The following SAMD11 variants were observed in gnomAD, a reference collection of about 807,000 sequenced individuals.
SAMD11 encodes sterile alpha motif domain containing 11.
Under a neutral mutation model 64.4 loss-of-function variants are expected in SAMD11, and 77 were observed. That is an observed-to-expected ratio of 1.20 (90% confidence interval 0.99 to 1.44). The LOEUF (loss-of-function observed/expected upper bound fraction) is 1.44, where lower values mean the gene tolerates loss of function less well. Ranked by LOEUF, SAMD11 falls within the 40% of genes most tolerant of loss-of-function variation. SAMD11 has a pLI of 0.00. For missense variants in SAMD11, 1,402 were observed against 943.3 expected, an observed-to-expected ratio of 1.49 and a Z score of -6.37; for synonymous variants, 658 against 421.9, an observed-to-expected ratio of 1.56 and a Z score of -6.86.
rs1211252359 is a variant in SAMD11 at position 939,427 on chromosome 1, TG to T, written c.1195+17del. 1 of 1,440,870 alleles carries T rather than the reference TG, an allele frequency of 6.9e-7. No homozygotes were observed. The highest frequency in any genetic ancestry group is 1.4e-5 in the African/African-American group (1 of 72,456). The allele number at this position is 1,440,870 out of a possible 1,614,324, so 89.3% of individuals were successfully genotyped here. On this transcript the variant is annotated intron_variant, in intron 7 of 13. Transcript: ENST00000616016. Reference sequence around the variant, plus strand: ...CCCCAGCCACGGTGAGGACCCACCCTGGCATGATCCCCCTCATCACCTCCCC... The same window carrying T: ...CCCCAGCCACGGTGAGGACCCACCCTGCATGATCCCCCTCATCACCTCCCC...
intron 4 of SAMD11, among the ~76,000 whole-genome samples, chr1:933,371 C>T (rs1458709376): frequency 6.6e-6 from 1 of 152,182 alleles, no homozygotes; most frequent in East Asian, 1.9e-4. Flanking sequence ...GCGGGGAGGG[C>T]AGGTGGCACC....
rs1387564087 is a variant in SAMD11 at position 943,768 on chromosome 1, T to C, written c.2249T>C (p.Met750Thr). ...LLTEEHLLTN[M>T]GLKLGPALKI... ...ACGGAGGAGCACCTGCTGACCAACA[T>C]GGGGCTGAAGCTGGGGCCCGCCCTC... Residue 750 changes from methionine to threonine, a missense_variant, in exon 13 of 14, where the codon ATG becomes ACG. Coordinates refer to ENST00000616016, the MANE Select transcript of SAMD11 (RefSeq NM_001385641.1). 6 of 1,611,118 alleles carry C rather than the reference T, an allele frequency of 3.7e-6. No individual in the cohort carries two copies. The highest frequency in any genetic ancestry group is 5.1e-6 in the Non-Finnish European group (6 of 1,179,310).
In SAMD11 at chr1:930,349, G is replaced by A. The variant is rs1483133640; in HGVS notation, c.791+13G>A. On this transcript the variant is annotated intron_variant, in intron 3 of 13. Transcript: ENST00000616016. ...TCATGAAGAGAAGGTACTTGGACCAGGGCCGGACAGGAAGGCGCAAGGCTC... is the reference window on the plus strand; with the variant it reads ...TCATGAAGAGAAGGTACTTGGACCAAGGCCGGACAGGAAGGCGCAAGGCTC... 1.3e-6 allele frequency: 2 copies of A among 1,589,822 alleles called. No homozygotes were observed. Among genetic ancestry groups the A allele is most frequent in the Admixed American group, 1.8e-5 (1 of 56,844 alleles).
intron 2 of SAMD11, among the ~76,000 whole-genome samples, chr1:928,351 C>G (rs548128247): frequency 6.6e-6 from 1 of 152,340 alleles, no homozygotes; most frequent in Admixed American, 6.5e-5. Context: ...CAGATTGTGC[C>G]ACCGCACTCC....
chr1:941,912 CG>C (rs1027698852), intron 8 of SAMD11, among the ~76,000 whole-genome samples: 3 of 151,992 alleles, frequency 2.0e-5, no homozygotes, highest in Non-Finnish European at 4.4e-5. Flanking sequence ...CAGTAATTAC[CG>C]CTGCAGCCGT....
intron 8 of SAMD11, 121 bp from the exon 9 acceptor site, chr1:942,015 A>T (rs1316073765): frequency 2.4e-6 from 1 of 412,242 alleles, no homozygotes; most frequent in Non-Finnish European, 4.3e-6. Flanking sequence ...TGGGGCCGTA[A>T]CGAGCTGCGC....
In SAMD11 at chr1:942,808, C is replaced by T; in HGVS notation, c.1803C>T (p.Gly601=). ...GAGCCCCCCGGAAGGGGGGTCCCGG[C>T]CCTGCCTCAGCGCGGCCCAGCGAGT... The part of the protein sequence containing the change: ...ARRAPRKGGP[G]PASARPSESK... The change falls in exon 11 of 14, where the codon GGC becomes GGT. Residue 601 remains glycine (G), a synonymous_variant. Coordinates refer to ENST00000616016, the MANE Select transcript of SAMD11 (RefSeq NM_001385641.1). 1 of 1,546,670 alleles carries T rather than the reference C, an allele frequency of 6.5e-7. No individual in the cohort carries two copies. Among genetic ancestry groups the T allele is most frequent in the Non-Finnish European group, 8.7e-7 (1 of 1,145,762 alleles).
In SAMD11 at chr1:944,466, TGACTTCAGCAGCCCACAGCTGTGG is replaced by T. The variant is rs1221196749; in HGVS notation, c.*315_*338del. The T allele has an allele frequency of 6.6e-5, 50 of 763,012 alleles. No individual in the cohort carries two copies. The East Asian group carries it at 1.4e-3, about 22-fold the overall frequency. 47.3% of individuals were successfully genotyped at this position (763,012 alleles called of 1,614,324 possible). On this transcript the variant is annotated 3_prime_UTR_variant, in exon 14 of 14. Transcript: ENST00000616016. ...GTCAGGGTCAGCTCCCCCGCGGAGC[TGACTTCAGCAGCCCACAGCTGTGG>T]GGCTTCAGCAGCCACACCAGCCCAG... is the stretch of plus-strand genomic sequence containing the variant.
chr1:939,084 A>T lies in SAMD11; in HGVS notation c.1012A>T (p.Ser338Cys). 1 of 1,606,206 alleles carries T rather than the reference A, an allele frequency of 6.2e-7. No homozygotes were observed. The highest frequency in any genetic ancestry group is 8.5e-7 in the Non-Finnish European group (1 of 1,176,690). The change falls in exon 6 of 14, where the codon AGC becomes TGC. Residue 338 changes from serine to cysteine, a missense_variant. Transcript: ENST00000616016. ...KRLGRSPRIS[S>C]DCFSEKRARS... is the part of the protein sequence containing the mutation. ...GCTGGGCCGCTCCCCCCGTATCAGC[A>T]GCGACTGCTTTTCAGAGAAGAGGGC...
intron 7 of SAMD11, among the ~76,000 whole-genome samples, chr1:940,713 G>A (rs1295499937): frequency 6.6e-6 from 1 of 152,234 alleles, no homozygotes; most frequent in East Asian, 1.9e-4. Flanking sequence ...TTTGTGACAA[G>A]CTTTGGCCAG....
intron 8 of SAMD11, 72 bp downstream of exon 8, chr1:941,378 C>A: frequency 7.2e-7 from 1 of 1,391,698 alleles, no homozygotes; most frequent in Non-Finnish European, 9.5e-7. Context: ...CAGCCACCAG[C>A]ACGCGCCCCG....
chr1:925,461 G>C (rs556335935), intron 1 of SAMD11, among the ~76,000 whole-genome samples: 5 of 151,940 alleles, frequency 3.3e-5, no homozygotes, highest in African/African-American at 9.6e-5. Context: ...CGCCTGAGCC[G>C]GGACACAGGG....
At chr1:926,994 G>T (rs923701948) in intron 2 of SAMD11, among the ~76,000 whole-genome samples, 1 of 152,090 alleles carries the variant, frequency 6.6e-6, no homozygotes, top group Non-Finnish European at 1.5e-5. Context: ...TGAGCCATGA[G>T]TGCCGTAGCC....
chr1:944,110 C>T lies in SAMD11; in HGVS notation c.2492C>T (p.Ala831Val), dbSNP rs376960675. The T allele has an allele frequency of 3.4e-5, 54 of 1,606,744 alleles. No homozygotes were observed. Among genetic ancestry groups the T allele is most frequent in the South Asian group, 3.2e-4 (29 of 90,608 alleles). ...CCCAAGCAGGAGAATGGGACCTTGG[C>T]TCTACTTCCAGGGGCCCCCGACCCT... ...TSPKQENGTL[A>V]LLPGAPDPSQ... The change falls in exon 14 of 14, where the codon GCT (alanine) becomes GTT (valine). Residue 831 changes from alanine to valine, a missense_variant. Physicochemically the swap from Ala to Val is moderately conservative, Grantham distance 64. Coordinates refer to ENST00000616016, the MANE Select transcript of SAMD11 (RefSeq NM_001385641.1).
chr1:942,675 G>C lies in SAMD11; in HGVS notation c.1670G>C (p.Arg557Pro), dbSNP rs925009455. Reference protein sequence around the residue: ...PNDGAEELQRRGALLVLNHGA... With the variant: ...PNDGAEELQRPGALLVLNHGA... ...GACGGCGCCGAGGAGCTGCAGCGGC[G>C]CGGGGCCCTGCTGGTGCTGAACCAC... is the stretch of plus-strand genomic sequence containing the variant. The change falls in exon 11 of 14, where the codon CGC becomes CCC. Residue 557 changes from arginine to proline, a missense_variant. Physicochemically the swap from Arg to Pro is moderately radical, Grantham distance 103. Transcript: ENST00000616016. 1.4e-6 allele frequency: 2 copies of C among 1,432,264 alleles called. No homozygotes were observed. The highest frequency in any genetic ancestry group is 3.0e-5 in the Admixed American group (1 of 33,846). The allele number at this position is 1,432,264 out of a possible 1,614,324, so 88.7% of individuals were successfully genotyped here.
Position 940,173 on chromosome 1 carries a change from T to C in SAMD11, c.1195+761T>C, listed in dbSNP as rs1641669130. On this transcript the variant is annotated intron_variant, in intron 7 of 13. Transcript: ENST00000616016. ...AAGAGCCTGAATAATTCACCAAATG[T>C]TAATAATGTAAAAATCCTCCTTTTT... 2.6e-5 allele frequency among the ~76,000 whole-genome samples: 4 copies of C among 152,220 alleles called. No individual in the cohort carries two copies. In the South Asian group the frequency reaches 8.3e-4, roughly 32 times the overall value.
intron 2 of SAMD11, among the ~76,000 whole-genome samples, chr1:927,443 C>T (rs960680510): frequency 7.1e-6 from 1 of 140,994 alleles, no homozygotes; most frequent in Non-Finnish European, 1.5e-5. Flanking sequence ...CCAGGAGATG[C>T]CCCCCCACCT....
intron 13 of SAMD11, 24 bp from the exon 14 acceptor site, chr1:943,884 C>A (rs750253867): frequency 6.2e-7 from 1 of 1,612,968 alleles, no homozygotes; most frequent in South Asian, 1.1e-5. Flanking sequence ...GTGCGACAGC[C>A]CCCACCAGGC....
chr1:928,042 T>C (rs1371033366), intron 2 of SAMD11, among the ~76,000 whole-genome samples: 1 of 152,212 alleles, frequency 6.6e-6, no homozygotes, highest in Non-Finnish European at 1.5e-5. Flanking sequence ...CTTCCCTCTC[T>C]TCCCCATCCC....
Sources: allele counts gnomAD v4.1 joint callset (sites outside exome capture counted in the v4.1 genomes callset), GRCh38; gene constraint gnomAD v4.1.1; transcripts MANE v1.5; gene names NCBI Gene and HGNC (gene_info 2026-07-23, HGNC 2026-07-21).